The following LMBRD2 variants were observed in gnomAD, a reference collection of about 807,000 sequenced individuals.
LMBRD2 encodes G protein-coupled receptor-associated protein LMBRD2.
A neutral mutation model predicts 94.4 loss-of-function variants in LMBRD2; 55 were observed. The ratio of observed to expected loss-of-function variants is 0.58; its 90% CI spans 0.47 to 0.73. The LOEUF is 0.73. Ranked by LOEUF, LMBRD2 falls within the 30% of genes least tolerant of loss-of-function variation. LMBRD2 has a pLI of 0.00. For missense variants in LMBRD2, 640 were observed against 831.9 expected (o/e 0.77, Z 2.84); for synonymous variants, 246 against 272.4 (o/e 0.90, Z 0.95).
chr5:36,105,116 A>C lies in LMBRD2; in HGVS notation c.1979T>G (p.Phe660Cys), dbSNP rs759724181. The C allele has an allele frequency of 6.2e-7, 1 of 1,613,034 alleles. No individual in the cohort carries two copies. The highest frequency in any genetic ancestry group is 8.5e-7 in the Non-Finnish European group (1 of 1,179,280). The change falls in exon 17 of 18, where the codon TTT (phenylalanine) becomes TGT (cysteine). Residue 660 changes from phenylalanine to cysteine, a missense_variant. Phe to Cys is a radical substitution (Grantham distance 205). Around this residue, in one of 2 missense-constraint regions of LMBRD2, gnomAD observed 183 missense variants for 189.1 expected, o/e 0.97. Transcript: ENST00000296603. Reference protein sequence around the residue: ...ELLQDAEPLDFNAETFTDDPL... With the variant: ...ELLQDAEPLDCNAETFTDDPL... ...ATCATCAGTGAATGTTTCTGCATTAAAATCCAAAGGTTCTGCATCTTGGAG... is the reference window on the plus strand; with the variant it reads ...ATCATCAGTGAATGTTTCTGCATTACAATCCAAAGGTTCTGCATCTTGGAG...
chr5:36,099,925 G>A lies in LMBRD2; in HGVS notation c.*4121C>T, dbSNP rs2111827743. ...GAGGCGAGGACATGTTCCTGCTGCA[G>A]TGGGAAGTAAGACAGAGCAGGACTA... is the stretch of plus-strand genomic sequence containing the variant. On this transcript the variant is annotated 3_prime_UTR_variant, in exon 18 of 18. Coordinates refer to ENST00000296603, the MANE Select transcript of LMBRD2 (RefSeq NM_001007527.2). 1 of 152,240 alleles carries A rather than the reference G, an allele frequency of 6.6e-6. No homozygotes were observed. Among genetic ancestry groups the A allele is most frequent in the Admixed American group, 6.5e-5 (1 of 15,284 alleles). The allele number at this position is 152,240 out of a possible 1,614,324, so 9.4% of individuals were successfully genotyped here. A position where few individuals can be genotyped will look rare whatever the true frequency, so the allele number is the denominator to read the frequency against.
intron 4 of LMBRD2, among the ~76,000 whole-genome samples, chr5:36,138,155 A>G (rs3913483): frequency 0.02 from 3,025 of 152,270 alleles, 103 homozygotes; most frequent in African/African-American, 0.069. Flanking sequence ...TAGGAGAGGA[A>G]AGTTAAAGTG....
chr5:36,138,421 C>T (rs562078026), intron 4 of LMBRD2, among the ~76,000 whole-genome samples: 111 of 152,236 alleles, frequency 7.3e-4, no homozygotes, highest in Non-Finnish European at 1.3e-3. Context: ...AGATGAATTT[C>T]CCAAATATGT....
intron 15 of LMBRD2, among the ~76,000 whole-genome samples, chr5:36,109,397 T>C (rs930749063): frequency 4.6e-5 from 7 of 152,116 alleles, no homozygotes; most frequent in African/African-American, 1.7e-4. Context: ...TATATGAAGA[T>C]ACACAAAGAC....
chr5:36,131,915 C>G (rs1007508163), intron 6 of LMBRD2, among the ~76,000 whole-genome samples: 1 of 152,064 alleles, frequency 6.6e-6, no homozygotes, highest in African/African-American at 2.4e-5. Flanking sequence ...AATTTCGATG[C>G]AATCTCTATC....
chr5:36,110,492 G>A (rs2111848148), intron 14 of LMBRD2, among the ~76,000 whole-genome samples: 1 of 152,046 alleles, frequency 6.6e-6, no homozygotes, highest in East Asian at 1.9e-4. Context: ...GATGTGCTAT[G>A]CCATATGAGG....
At chr5:36,108,670 A>G in intron 15 of LMBRD2, 31 bp from the exon 16 acceptor site, 2 of 1,064,618 alleles carry the variant, frequency 1.9e-6, no homozygotes, top group Non-Finnish European at 2.7e-6. Flanking sequence ...ATCATATAAT[A>G]GAACAGAAAA....
intron 15 of LMBRD2, 69 bp from the exon 16 acceptor site, chr5:36,108,708 A>G: frequency 1.7e-6 from 1 of 587,768 alleles, no homozygotes; most frequent in Non-Finnish European, 2.8e-6. Flanking sequence ...GAGATTACAT[A>G]TGCAATATAA....
At chr5:36,120,063 A>C (rs77887146) in intron 9 of LMBRD2, among the ~76,000 whole-genome samples, 2,167 of 112,704 alleles carry the variant, frequency 0.019, 55 homozygotes, top group African/African-American at 0.067. Context: ...CTCTCTCTTT[A>C]TTTCTTTTTT....
chr5:36,117,718 A>T lies in LMBRD2; in HGVS notation c.1302+17T>A, dbSNP rs2111863287. On this transcript the variant is annotated intron_variant, in intron 10 of 17. Coordinates refer to ENST00000296603, the MANE Select transcript of LMBRD2 (RefSeq NM_001007527.2). The stretch of plus-strand genomic sequence containing the variant: ...ATGAAGTGACATCTATTTATGACAG[A>T]CATAAAATAAACTGACCTCGATATA... 3 of 1,531,772 alleles carry T rather than the reference A, an allele frequency of 2.0e-6. No individual in the cohort carries two copies. The highest frequency in any genetic ancestry group is 2.7e-6 in the Non-Finnish European group (3 of 1,115,864). 94.9% of individuals were successfully genotyped at this position (1,531,772 alleles called of 1,614,324 possible).
chr5:36,137,925 C>T (rs543115763), intron 4 of LMBRD2, among the ~76,000 whole-genome samples: 26 of 152,192 alleles, frequency 1.7e-4, no homozygotes, highest in African/African-American at 3.4e-4. Context: ...GGATAGCTTC[C>T]GAAGTCATCA....
In LMBRD2 at chr5:36,106,372, G is replaced by A. The variant is rs182677398; in HGVS notation, c.1898-1175C>T. On this transcript the variant is annotated intron_variant, in intron 16 of 17. Coordinates refer to ENST00000296603, the MANE Select transcript of LMBRD2 (RefSeq NM_001007527.2). The stretch of plus-strand genomic sequence containing the variant: ...TGTATTACCAAACAGTCTCTGAAAT[G>A]GTTTCTAGTCTCACTTCCCCAAGAA... Among the ~76,000 whole-genome samples, 391 of 152,062 alleles carry A rather than the reference G, an allele frequency of 2.6e-3. 1 individual carries two copies. Among genetic ancestry groups the A allele is most frequent in the Non-Finnish European group, 4.5e-3 (307 of 67,958 alleles).
chr5:36,111,823 ATTTAAT>A (rs1220454410), intron 13 of LMBRD2, among the ~76,000 whole-genome samples: 3 of 152,142 alleles, frequency 2.0e-5, no homozygotes, highest in East Asian at 3.8e-4. Context: ...ATGCCTTCTT[ATTTAAT>A]TTTAACTATC....
intron 6 of LMBRD2, among the ~76,000 whole-genome samples, chr5:36,133,811 G>T (rs1744208968): frequency 6.6e-6 from 1 of 152,012 alleles, no homozygotes; most frequent in Non-Finnish European, 1.5e-5. Context: ...TAAGCAAAGG[G>T]CTCCTATTTT....
At chr5:36,135,483 A>C (rs764996103) in intron 6 of LMBRD2, among the ~76,000 whole-genome samples, 8 of 152,176 alleles carry the variant, frequency 5.3e-5, no homozygotes, top group Non-Finnish European at 8.8e-5. Flanking sequence ...ACCAAAGATG[A>C]CCAGTGCAAG....
At position 36,105,086 on chromosome 5, in the gene LMBRD2, A is replaced by G. The variant is rs1477236025; in HGVS notation, c.2009T>C (p.Leu670Pro). The G allele has an allele frequency of 3.7e-6, 6 of 1,612,502 alleles. No homozygotes were observed. In the African/African-American group the frequency reaches 8.0e-5, roughly 22 times the overall value. The change falls in exon 17 of 18, where the codon CTT becomes CCT. Residue 670 changes from leucine to proline, a missense_variant. Physicochemically the swap from Leu to Pro is moderately conservative, Grantham distance 98. Transcript: ENST00000296603. ...AACTTACCTTCCTGATTCAGATTCA[A>G]GAGGATCATCAGTGAATGTTTCTGC... ...FNAETFTDDP[L>P]ESESGRYQPG... is the part of the protein sequence containing the mutation.
intron 16 of LMBRD2, among the ~76,000 whole-genome samples, chr5:36,106,838 C>T (rs974691920): frequency 6.6e-6 from 1 of 152,076 alleles, no homozygotes; most frequent in African/African-American, 2.4e-5. Flanking sequence ...TCCCCAACTA[C>T]TCTGTGGCCT....
rs1313080786 is a variant in LMBRD2 at position 36,137,405 on chromosome 5, T to C, written c.405A>G (p.Ser135=). 2.5e-6 allele frequency: 4 copies of C among 1,596,658 alleles called. No individual in the cohort carries two copies. The highest frequency in any genetic ancestry group is 3.4e-6 in the Non-Finnish European group (4 of 1,168,320). ...TCTTTCCAGTGATGGAAAACCCTCC[T>C]GATCTTGCATATGACTGCATAAAAG... ...LLPFMQSYAR[S]GGFSITGKIK... is the part of the protein sequence containing the mutation. The change falls in exon 5 of 18, where the codon TCA becomes TCG. Residue 135 remains serine, a synonymous_variant. Transcript: ENST00000296603.
At chr5:36,114,884 T>C (rs1417923909) in intron 12 of LMBRD2, 131 bp downstream of exon 12, 8 of 675,204 alleles carry the variant, frequency 1.2e-5, no homozygotes, top group Non-Finnish European at 1.5e-5. Flanking sequence ...GTAATACGTA[T>C]ACAATCTTTA....
Sources: gnomAD v4.1 joint callset for allele counts (sites outside exome capture counted in the v4.1 genomes callset) on GRCh38, gnomAD v4.1.1 for gene constraint, gnomAD v4.1.1 regional missense constraint, MANE v1.5 for transcripts, NCBI Gene and HGNC (gene_info 2026-07-23, HGNC 2026-07-21) for gene names.